ITGA11: variants seen among roughly 807,000 people sequenced by gnomAD.
ITGA11 encodes integrin alpha-11.
In ITGA11, 97 loss-of-function variants were observed where a neutral mutation model predicts 141.9. That is an observed-to-expected ratio of 0.68 (90% CI 0.58 to 0.81). The LOEUF (loss-of-function observed/expected upper bound fraction) is 0.81, where lower values mean the gene tolerates loss of function less well. Among genes scored for constraint, ITGA11 ranks in the 30% least tolerant of loss-of-function variants. The probability of loss-of-function intolerance (pLI) is 0.00; values close to 1 mark genes in which losing one functional copy is unlikely to be tolerated. For synonymous variants in ITGA11, 658 were observed against 624.6 expected (o/e 1.05, Z -0.80); for missense variants, 1,387 against 1,559.2 (o/e 0.89, Z 1.86).
At chr15:68,382,835 G>T (rs1470357656) in intron 2 of ITGA11, among the ~76,000 whole-genome samples, 1 of 152,220 alleles carries the variant, frequency 6.6e-6, no homozygotes, top group African/African-American at 2.4e-5. Context: ...GGGAAAGCAG[G>T]AATTCAACAG....
At chr15:68,404,501 A>G (rs1329658145) in intron 1 of ITGA11, among the ~76,000 whole-genome samples, 5 of 152,156 alleles carry the variant, frequency 3.3e-5, no homozygotes, top group Non-Finnish European at 7.4e-5. Flanking sequence ...ATAGCACCTC[A>G]CATCTGTATA....
intron 2 of ITGA11, among the ~76,000 whole-genome samples, chr15:68,374,246 A>G (rs918771003): frequency 1.3e-5 from 2 of 152,216 alleles, no homozygotes; most frequent in Non-Finnish European, 2.9e-5. Flanking sequence ...AACTGAATGC[A>G]TAAAACTTTC....
intron 1 of ITGA11, among the ~76,000 whole-genome samples, chr15:68,412,539 C>T (rs778282130): frequency 1.3e-5 from 2 of 152,056 alleles, no homozygotes; most frequent in African/African-American, 2.4e-5. Flanking sequence ...GAGCATGAGG[C>T]CTCCTTCACC....
At position 68,364,806 on chromosome 15, in the gene ITGA11, TG is replaced by T. The variant is rs370485530; in HGVS notation, c.266-9del. ...TGGACAGGGTGACCCTTCCTGGGGTTGGGGGAGAAGTTCAGCTTGCAGCCCC... is the reference window on the plus strand; with the variant it reads ...TGGACAGGGTGACCCTTCCTGGGGTTGGGGAGAAGTTCAGCTTGCAGCCCC... On this transcript the variant is annotated splice_polypyrimidine_tract_variant and intron_variant, in intron 3 of 29. Coordinates refer to ENST00000315757, the MANE Select transcript of ITGA11 (RefSeq NM_001004439.2). 8.3e-5 allele frequency: 134 copies of T among 1,613,314 alleles called. 1 individual carries two copies. The East Asian group carries it at 1.8e-3, about 21-fold the overall frequency.
intron 2 of ITGA11, among the ~76,000 whole-genome samples, chr15:68,401,528 G>A (rs1179738097): frequency 6.6e-6 from 1 of 152,154 alleles, no homozygotes; most frequent in Non-Finnish European, 1.5e-5. Context: ...GCTCATCAAT[G>A]GAAGCATGAA....
intron 2 of ITGA11, among the ~76,000 whole-genome samples, chr15:68,398,419 T>C (rs1055589482): frequency 3.3e-5 from 5 of 150,846 alleles, no homozygotes; most frequent in African/African-American, 4.9e-5. Flanking sequence ...CATTACATGA[T>C]GGTAAAGGGA....
rs1893960684 is a variant in ITGA11 at position 68,325,969 on chromosome 15, G to A, written c.2211+685C>T. On this transcript the variant is annotated intron_variant, in intron 17 of 29. Coordinates refer to ENST00000315757, the MANE Select transcript of ITGA11 (RefSeq NM_001004439.2). The surrounding 1 kb of genome is among the most constrained non-coding windows in gnomAD (Gnocchi z 5.5). ...CCCCAGAGTTTCTGAGTCAGAACAA[G>A]TGAATTTCCAAGTTTGTGGGGAGGA... 6.6e-6 allele frequency among the ~76,000 whole-genome samples: 1 copy of A among 152,218 alleles called. No homozygotes were observed. Among genetic ancestry groups the A allele is most frequent in the Non-Finnish European group, 1.5e-5 (1 of 68,022 alleles).
In ITGA11 at chr15:68,320,339, G is replaced by A. The variant is rs61729760; in HGVS notation, c.2462C>T (p.Thr821Met). The change falls in exon 20 of 30, where the codon ACG (threonine) becomes ATG (methionine). Residue 821 changes from threonine (T) to methionine (M), a missense_variant. Thr to Met is a moderately conservative substitution (Grantham distance 81, BLOSUM62 -1). Coordinates refer to ENST00000315757, the MANE Select transcript of ITGA11 (RefSeq NM_001004439.2). ...GAAGACTGTGGTGTCGAAGGACAGCGTGTATGCGGAGCAGTCCTGCGCAGG... is the reference window on the plus strand; with the variant it reads ...GAAGACTGTGGTGTCGAAGGACAGCATGTATGCGGAGCAGTCCTGCGCAGG... ...RKPAQDCSAY[T>M]LSFDTTVFII... 6.4e-4 allele frequency: 1,026 copies of A among 1,612,378 alleles called. 1 individual carries two copies. The highest frequency in any genetic ancestry group is 1.3e-3 in the South Asian group (120 of 90,728).
intron 20 of ITGA11, 49 bp from the exon 21 acceptor site, chr15:68,317,412 A>G (rs1439858812): frequency 2.0e-5 from 27 of 1,331,682 alleles, no homozygotes; most frequent in Non-Finnish European, 2.8e-5. Flanking sequence ...GGGGCCTGGG[A>G]CCAGGTCTCG....
Position 68,335,952 on chromosome 15 carries a change from AG to A in ITGA11, c.1277-108del. On this transcript the variant is annotated intron_variant, in intron 11 of 29. Coordinates refer to ENST00000315757, the MANE Select transcript of ITGA11 (RefSeq NM_001004439.2). The surrounding 1 kb of genome is among the most constrained non-coding windows in gnomAD (Gnocchi z 4.9). ...CCAGAGGATGGGCCAGTGATGGGGT[AG>A]GTTCAGGGCTAGCTGAGCAGATTCA... 1 of 1,313,500 alleles carries A rather than the reference AG, an allele frequency of 7.6e-7. No individual in the cohort carries two copies. The highest frequency in any genetic ancestry group is 1.1e-6 in the Non-Finnish European group (1 of 949,162). The allele number at this position is 1,313,500 out of a possible 1,614,324, so 81.4% of individuals were successfully genotyped here. A position where few individuals can be genotyped will look rare whatever the true frequency, so the allele number is the denominator to read the frequency against.
intron 2 of ITGA11, among the ~76,000 whole-genome samples, chr15:68,385,376 G>A (rs1376586629): frequency 1.3e-5 from 2 of 152,238 alleles, no homozygotes; most frequent in Admixed American, 6.5e-5. Flanking sequence ...TCTGGGTTGG[G>A]AGAGGAGGAA....
intron 2 of ITGA11, among the ~76,000 whole-genome samples, chr15:68,374,600 C>T (rs1052295555): frequency 6.6e-6 from 1 of 152,240 alleles, no homozygotes; most frequent in African/African-American, 2.4e-5. Context: ...CAGGCTTTTA[C>T]AGGCTGTGTC....
chr15:68,312,887 G>C lies in ITGA11; in HGVS notation c.2883-24C>G, dbSNP rs376800768. ...TCCTGCGGAGACAGAGGACAGGGCT[G>C]TCGTGAGCTCAGTCAGGGCTGGCTG... On this transcript the variant is annotated intron_variant, in intron 23 of 29. Transcript: ENST00000315757. The C allele has an allele frequency of 2.6e-5, 40 of 1,547,092 alleles. No homozygotes were observed. In the African/African-American group the frequency reaches 4.5e-4, roughly 17 times the overall value.
chr15:68,412,445 A>G (rs894501153), intron 1 of ITGA11, among the ~76,000 whole-genome samples: 1 of 152,056 alleles, frequency 6.6e-6, no homozygotes, highest in South Asian at 2.1e-4. Context: ...CACTCAGGGA[A>G]TGACAGACGC....
intron 4 of ITGA11, chr15:68,362,091 C>T (rs940216500): frequency 6.1e-6 from 1 of 164,570 alleles, no homozygotes; most frequent in Non-Finnish European, 1.3e-5. Context: ...AGAATAACTC[C>T]TCTGTCTGAG....
chr15:68,409,077 A>G (rs993847467), intron 1 of ITGA11, among the ~76,000 whole-genome samples: 1 of 152,238 alleles, frequency 6.6e-6, no homozygotes, highest in Non-Finnish European at 1.5e-5. Flanking sequence ...AACTGGATCA[A>G]GATGCCCTGG....
rs1567156532 is a variant in ITGA11 at position 68,396,980 on chromosome 15, T to TAATATATAA, written c.164+5937_164+5938insTTATATATT. 2.1e-4 allele frequency among the ~76,000 whole-genome samples: 9 copies of TAATATATAA among 42,296 alleles called. 1 individual carries two copies. Among genetic ancestry groups the TAATATATAA allele is most frequent in the Non-Finnish European group, 2.6e-4 (7 of 26,798 alleles). 27.7% of individuals were successfully genotyped at this position (42,296 alleles called of 152,430 possible). On this transcript the variant is annotated intron_variant, in intron 2 of 29. Transcript: ENST00000315757. ...ATTATATAATAAATAATATATTATA[T>TAATATATAA]ATTATTTATTATATAATATATAATA...
Position 68,325,950 on chromosome 15 carries a change from A to G in ITGA11, c.2211+704T>C, listed in dbSNP as rs993425981. 3.9e-5 allele frequency among the ~76,000 whole-genome samples: 6 copies of G among 152,178 alleles called. No individual in the cohort carries two copies. The highest frequency in any genetic ancestry group is 2.6e-4 in the Admixed American group (4 of 15,280). ...GCGCCAGCCCCAGCCCCAGCCCCAG[A>G]GTTTCTGAGTCAGAACAAGTGAATT... is the stretch of plus-strand genomic sequence containing the variant. On this transcript the variant is annotated intron_variant, in intron 17 of 29. Coordinates refer to ENST00000315757, the MANE Select transcript of ITGA11 (RefSeq NM_001004439.2). This position sits in a 1 kb window ranked among gnomAD's most constrained non-coding sequence, Gnocchi z 5.5.
chr15:68,393,641 C>T (rs537858489), intron 2 of ITGA11, among the ~76,000 whole-genome samples: 25 of 152,068 alleles, frequency 1.6e-4, no homozygotes, highest in Middle Eastern at 3.4e-3. Context: ...TTCAGACAAA[C>T]GAACAAAAAC....
Sources: allele counts gnomAD v4.1 joint callset (sites outside exome capture counted in the v4.1 genomes callset), GRCh38; gene constraint gnomAD v4.1.1; non-coding constraint Gnocchi (gnomAD v3.1); transcripts MANE v1.5; gene names NCBI Gene and HGNC (gene_info 2026-07-23, HGNC 2026-07-21).